Variants in LCLAT1 observed in about 807,000 individuals in gnomAD.
The protein encoded by LCLAT1 is lysocardiolipin acyltransferase 1.
Under a neutral mutation model 30.7 loss-of-function variants are expected in LCLAT1, and 11 were observed. The observed-to-expected ratio is 0.36, with a 90% CI of 0.23 to 0.59. LCLAT1 has a LOEUF of 0.59. Among genes scored for constraint, LCLAT1 ranks in the 20% least tolerant of loss-of-function variants. The pLI, the probability that LCLAT1 is intolerant of heterozygous loss-of-function variation, is 0.77. For missense variants in LCLAT1, 402 were observed against 458.6 expected (o/e 0.88, Z 1.13); for synonymous variants, 155 against 151.3 (o/e 1.02, Z -0.18).
intron 1 of LCLAT1, among the ~76,000 whole-genome samples, chr2:30,523,832 TA>T (rs558776559): frequency 3.2e-4 from 48 of 152,318 alleles, no homozygotes; most frequent in African/African-American, 1.1e-3. Context: ...CGCACCACTG[TA>T]CTTCAGCCTA....
chr2:30,523,969 C>A (rs1685593912), intron 1 of LCLAT1, among the ~76,000 whole-genome samples: 1 of 152,154 alleles, frequency 6.6e-6, no homozygotes, highest in Non-Finnish European at 1.5e-5. Context: ...TTCAAAAGCA[C>A]CATGACGTTT....
chr2:30,474,314 C>G (rs1682944244), intron 1 of LCLAT1, among the ~76,000 whole-genome samples: 1 of 152,192 alleles, frequency 6.6e-6, no homozygotes, highest in Non-Finnish European at 1.5e-5. Context: ...AAATAGCTCC[C>G]ATCAAACAGA....
chr2:30,497,680 TA>T (rs1684184694), intron 1 of LCLAT1, among the ~76,000 whole-genome samples: 1 of 152,358 alleles, frequency 6.6e-6, no homozygotes, highest in African/African-American at 2.4e-5. Context: ...TTTACATTCA[TA>T]ATCTAGGCCT....
intron 3 of LCLAT1, among the ~76,000 whole-genome samples, chr2:30,537,519 A>ACTACACACAC (rs1553370475): frequency 2.0e-5 from 2 of 101,344 alleles, no homozygotes; most frequent in Non-Finnish European, 3.8e-5. Flanking sequence ...AACAATTGTA[A>ACTACACACAC]ATACACACAC....
At chr2:30,612,713 A>T (rs1667798186) in intron 5 of LCLAT1, among the ~76,000 whole-genome samples, 1 of 152,156 alleles carries the variant, frequency 6.6e-6, no homozygotes, top group Non-Finnish European at 1.5e-5. Flanking sequence ...ATCATTAATC[A>T]CAATTACTTT....
intron 1 of LCLAT1, among the ~76,000 whole-genome samples, chr2:30,509,352 G>A (rs1261342764): frequency 1.3e-5 from 2 of 152,128 alleles, no homozygotes; most frequent in Non-Finnish European, 2.9e-5. Context: ...CAGTTATCAA[G>A]GGGAATGCCT....
chr2:30,612,600 G>T (rs796438922), intron 5 of LCLAT1, among the ~76,000 whole-genome samples: 15 of 152,302 alleles, frequency 9.8e-5, no homozygotes, highest in African/African-American at 2.9e-4. Context: ...TGCACAGATT[G>T]CAAGTAGCAG....
At chr2:30,489,637 C>T (rs1283167085) in intron 1 of LCLAT1, among the ~76,000 whole-genome samples, 1 of 152,194 alleles carries the variant, frequency 6.6e-6, no homozygotes, top group Non-Finnish European at 1.5e-5. Context: ...CAGGCGTGAG[C>T]ACCGCGCCCA....
At chr2:30,485,109 G>A (rs1431323753) in intron 1 of LCLAT1, among the ~76,000 whole-genome samples, 1 of 152,086 alleles carries the variant, frequency 6.6e-6, no homozygotes, top group Non-Finnish European at 1.5e-5. Context: ...TTTCACCAGT[G>A]AATAATTGCA....
At position 30,488,257 on chromosome 2, in the gene LCLAT1, T is replaced by C. The variant is rs529653007; in HGVS notation, c.-4-37330T>C. Among the ~76,000 whole-genome samples the C allele has an allele frequency of 8.5e-5, 13 of 152,380 alleles. No individual in the cohort carries two copies. In the East Asian group the frequency reaches 1.9e-3, roughly 23 times the overall value. ...GCAATCAGGAATATTAGTAAATTTG[T>C]ATCAGATTACTTTGGCTGTAAGTTT... On this transcript the variant is annotated intron_variant, in intron 1 of 5. Coordinates refer to ENST00000379509, the MANE Select transcript of LCLAT1 (RefSeq NM_001002257.3).
At chr2:30,621,931 G>A (rs1230547831) in intron 5 of LCLAT1, among the ~76,000 whole-genome samples, 3 of 152,242 alleles carry the variant, frequency 2.0e-5, no homozygotes, top group Non-Finnish European at 4.4e-5. Context: ...TGAACAGGGA[G>A]TGCAGATATG....
At chr2:30,554,719 G>A (rs1572617517) in intron 3 of LCLAT1, among the ~76,000 whole-genome samples, 1 of 152,108 alleles carries the variant, frequency 6.6e-6, no homozygotes, top group South Asian at 2.1e-4. Context: ...CTATGAAAAA[G>A]ACCATTTGCA....
rs1665898804 is a variant in LCLAT1, at chr2:30,574,154, A to G, written c.628+5978A>G. 3.3e-5 allele frequency among the ~76,000 whole-genome samples: 5 copies of G among 151,880 alleles called. No homozygotes were observed. The South Asian group carries it at 1.0e-3, about 31-fold the overall frequency. ...CAAGACTCTGTCTCAAAAAAATAAT[A>G]ATAATAATAATAGCAGCACCAAAAG... On this transcript the variant is annotated intron_variant, in intron 5 of 5. Transcript: ENST00000379509.
At chr2:30,591,242 A>T (rs529879329) in intron 5 of LCLAT1, among the ~76,000 whole-genome samples, 28 of 152,330 alleles carry the variant, frequency 1.8e-4, no homozygotes, top group African/African-American at 6.7e-4. Context: ...TCAACTTGCT[A>T]AACTACCCCA....
At chr2:30,629,018 A>G (rs1211213510) in intron 5 of LCLAT1, among the ~76,000 whole-genome samples, 3 of 152,340 alleles carry the variant, frequency 2.0e-5, no homozygotes, top group African/African-American at 7.2e-5. Context: ...GGACTTTGCA[A>G]ATTGACTAGA....
At chr2:30,569,341 A>G (rs1042856779) in intron 5 of LCLAT1, among the ~76,000 whole-genome samples, 1 of 152,260 alleles carries the variant, frequency 6.6e-6, no homozygotes, top group Non-Finnish European at 1.5e-5. Context: ...ATTTATACAC[A>G]TTTGTACATA....
At chr2:30,570,866 G>C (rs1217591507) in intron 5 of LCLAT1, among the ~76,000 whole-genome samples, 2 of 152,158 alleles carry the variant, frequency 1.3e-5, no homozygotes, top group Non-Finnish European at 2.9e-5. Context: ...TTGGGGAGTT[G>C]AGGGCAACTC....
chr2:30,506,539 C>A (rs1344339028), intron 1 of LCLAT1, among the ~76,000 whole-genome samples: 1 of 151,966 alleles, frequency 6.6e-6, no homozygotes, highest in Non-Finnish European at 1.5e-5. Flanking sequence ...ATTAAGAATA[C>A]AAATAAAAGA....
intron 3 of LCLAT1, among the ~76,000 whole-genome samples, chr2:30,555,018 A>T (rs1226075244): frequency 6.6e-6 from 1 of 152,160 alleles, no homozygotes; most frequent in East Asian, 1.9e-4. Flanking sequence ...TGCTGAGCAG[A>T]ATTAATGAAA....
Sources: gnomAD v4.1 joint callset for allele counts (sites outside exome capture counted in the v4.1 genomes callset) on GRCh38, gnomAD v4.1.1 for gene constraint, MANE v1.5 for transcripts, NCBI Gene and HGNC (gene_info 2026-07-23, HGNC 2026-07-21) for gene names.